The following ZYG11A variants were observed in gnomAD, a reference collection of about 807,000 sequenced individuals.
ZYG11A encodes the protein zyg-11 family member A, cell cycle regulator, also known as protein zyg-11 homolog A.
Under a neutral mutation model 77.2 loss-of-function variants are expected in ZYG11A, and 62 were observed. The observed-to-expected ratio is 0.80, with a 90% CI of 0.65 to 0.99. The LOEUF is 0.99. ZYG11A is among the 50% of genes least tolerant of loss of function. The pLI, the probability that ZYG11A is intolerant of heterozygous loss-of-function variation, is 0.00. For synonymous variants in ZYG11A, 315 were observed against 324.6 expected, an observed-to-expected ratio of 0.97 and a Z score of 0.32; for missense variants, 828 against 896.8, an observed-to-expected ratio of 0.92 and a Z score of 0.98.
At chr1:52,858,318 C>T (rs2149996426) in intron 3 of ZYG11A, among the ~76,000 whole-genome samples, 1 of 148,924 alleles carries the variant, frequency 6.7e-6, no homozygotes, top group Admixed American at 6.7e-5. Flanking sequence ...ATCACTTGAA[C>T]CTGGGAGGTG....
At chr1:52,846,310 T>TATATA (rs1645577708) in intron 1 of ZYG11A, among the ~76,000 whole-genome samples, 6 of 35,800 alleles carry the variant, frequency 1.7e-4, no homozygotes, top group African/African-American at 4.4e-4. Flanking sequence ...TTTTAAATTT[T>TATATA]TATATATATA....
chr1:52,885,009 A>G (rs955937954), intron 11 of ZYG11A, among the ~76,000 whole-genome samples: 9 of 151,846 alleles, frequency 5.9e-5, no homozygotes, highest in Non-Finnish European at 8.8e-5. Flanking sequence ...CCTGGCTTCA[A>G]GCGATTCTCC....
chr1:52,854,093 C>T (rs1645763931), intron 1 of ZYG11A, among the ~76,000 whole-genome samples: 1 of 151,892 alleles, frequency 6.6e-6, no homozygotes, highest in African/African-American at 2.4e-5. Context: ...AGGATTTATA[C>T]TGTATTAGTG....
rs1275782389 is a variant in ZYG11A, at chr1:52,886,926, T to C, written c.2007-30T>C. 4 of 1,203,992 alleles carry C rather than the reference T, an allele frequency of 3.3e-6. No individual in the cohort carries two copies. The South Asian group carries it at 3.9e-5, about 12-fold the overall frequency. 74.6% of individuals were successfully genotyped at this position (1,203,992 alleles called of 1,614,324 possible). ...TGAGCACTGGCCTAACTGTTCTGGA[T>C]TAACATCTTTGTACTTTTTTTTGTT... is the stretch of plus-strand genomic sequence containing the variant. On this transcript the variant is annotated intron_variant, in intron 12 of 13. Transcript: ENST00000371528.
chr1:52,854,418 G>T, intron 1 of ZYG11A, 47 bp from the exon 2 acceptor site: 1 of 1,487,572 alleles, frequency 6.7e-7, no homozygotes, highest in Non-Finnish European at 9.0e-7. Context: ...ATGTTGAATT[G>T]TTGCAGATGT....
At chr1:52,843,088 C>T (rs1385137596) in intron 1 of ZYG11A, 115 bp downstream of exon 1, 3 of 874,332 alleles carry the variant, frequency 3.4e-6, no homozygotes, top group Non-Finnish European at 4.8e-6. Context: ...GTGGCCCGCG[C>T]GGGGCTGCGG....
chr1:52,853,550 A>G (rs1193849592), intron 1 of ZYG11A, among the ~76,000 whole-genome samples: 2 of 152,190 alleles, frequency 1.3e-5, no homozygotes, highest in African/African-American at 2.4e-5. Flanking sequence ...GACTAGAACC[A>G]TGTCTTACCC....
intron 1 of ZYG11A, among the ~76,000 whole-genome samples, chr1:52,848,233 C>T (rs1645636609): frequency 6.6e-6 from 1 of 151,972 alleles, no homozygotes. Context: ...AAACTCCTGA[C>T]CTGGTGATCC....
chr1:52,878,895 TG>T (rs797001791), intron 10 of ZYG11A, among the ~76,000 whole-genome samples: 12 of 131,270 alleles, frequency 9.1e-5, no homozygotes, highest in African/African-American at 3.5e-4. Context: ...ACCAAGATCG[TG>T]CCACTGCACT....
At position 52,878,382 on chromosome 1, in the gene ZYG11A, CAGGCTTCTCCACA is replaced by C. The variant is rs896660314; in HGVS notation, c.1749+414_1749+426del. On this transcript the variant is annotated intron_variant, in intron 10 of 13. Transcript: ENST00000371528. ...TACCAGCTGGCGGGCTTTGTGTCCA[CAGGCTTCTCCACA>C]TGGCAATCTCTAGAGGGCAGGCCCC... Among the ~76,000 whole-genome samples, 64 of 152,298 alleles carry C rather than the reference CAGGCTTCTCCACA, an allele frequency of 4.2e-4. 1 individual carries two copies. Among genetic ancestry groups the C allele is most frequent in the African/African-American group, 1.5e-3 (63 of 41,566 alleles).
At chr1:52,880,013 C>A (rs1169617850) in intron 10 of ZYG11A, among the ~76,000 whole-genome samples, 2 of 150,406 alleles carry the variant, frequency 1.3e-5, no homozygotes, top group African/African-American at 2.4e-5. Context: ...ATCCACCTGC[C>A]TCAGCCTCCC....
chr1:52,888,478 C>T (rs1160920242), intron 13 of ZYG11A, among the ~76,000 whole-genome samples: 4 of 152,198 alleles, frequency 2.6e-5, no homozygotes, highest in Non-Finnish European at 5.9e-5. Flanking sequence ...CTGCCTCAGC[C>T]TCCCGAGTAG....
chr1:52,869,891 G>A (rs1174703242), intron 8 of ZYG11A, among the ~76,000 whole-genome samples: 1 of 100,138 alleles, frequency 1.0e-5, no homozygotes, highest in African/African-American at 3.7e-5. Context: ...CGGACGGGGC[G>A]GCTGGCCGGG....
intron 1 of ZYG11A, among the ~76,000 whole-genome samples, chr1:52,850,892 C>T (rs1396374351): frequency 1.3e-5 from 2 of 151,920 alleles, no homozygotes; most frequent in African/African-American, 4.8e-5. Flanking sequence ...TTTTAAATTC[C>T]TGTCTGTTAG....
chr1:52,846,318 A>T (rs7524469), intron 1 of ZYG11A, among the ~76,000 whole-genome samples: 104 of 4,186 alleles, frequency 0.025, 6 homozygotes, highest in African/African-American at 0.11. Context: ...TTTTATATAT[A>T]TATATATATA....
chr1:52,890,249 G>GTTTTTTTTTTTTTTT (rs908467307), intron 13 of ZYG11A, among the ~76,000 whole-genome samples: 1 of 71,658 alleles, frequency 1.4e-5, no homozygotes, highest in Non-Finnish European at 2.5e-5. Flanking sequence ...TTTTCTTTTA[G>GTTTTTTTTTTTTTTT]TTTTTTTTTT....
intron 3 of ZYG11A, among the ~76,000 whole-genome samples, chr1:52,859,660 G>GTATACGTATACTA (rs71044431): frequency 8.7e-6 from 1 of 115,460 alleles, no homozygotes; most frequent in Non-Finnish European, 1.7e-5. Flanking sequence ...ATCTGTTTGT[G>GTATACGTATACTA]TATTGCCTTT....
At chr1:52,860,008 A>G (rs1045859560) in intron 3 of ZYG11A, among the ~76,000 whole-genome samples, 1 of 152,018 alleles carries the variant, frequency 6.6e-6, no homozygotes, top group African/African-American at 2.4e-5. Context: ...ACTTTATATG[A>G]AGTCTTGAAA....
At position 52,876,645 on chromosome 1, in the gene ZYG11A, C is replaced by T. The variant is rs528946309; in HGVS notation, c.1543-1037C>T. Among the ~76,000 whole-genome samples, 2 of 152,188 alleles carry T rather than the reference C, an allele frequency of 1.3e-5. 1 individual carries two copies. The highest frequency in any genetic ancestry group is 2.9e-5 in the Non-Finnish European group (2 of 68,028). On this transcript the variant is annotated intron_variant, in intron 8 of 13. Coordinates refer to ENST00000371528, the MANE Select transcript of ZYG11A (RefSeq NM_001004339.3). ...CACTTCCCCTGCTCCTGGCCTTGCT[C>T]TCATTCATCTAACTAGCTGCTTAGG... is the stretch of plus-strand genomic sequence containing the variant.
Sources: gnomAD v4.1 joint callset for allele counts (sites outside exome capture counted in the v4.1 genomes callset) on GRCh38, gnomAD v4.1.1 for gene constraint, MANE v1.5 for transcripts, NCBI Gene and HGNC (gene_info 2026-07-23, HGNC 2026-07-21) for gene names.